Variants in GABRA1 observed in about 807,000 individuals in gnomAD.
GABRA1 encodes the protein gamma-aminobutyric acid receptor subunit alpha-1.
In GABRA1, 9 loss-of-function variants were observed where a neutral mutation model predicts 48.9. That is an observed-to-expected ratio of 0.18 (90% CI 0.11 to 0.32). The LOEUF is 0.32. Among genes scored for constraint, GABRA1 ranks in the 10% least tolerant of loss-of-function variants. GABRA1 has a pLI of 1.00. For synonymous variants in GABRA1, 210 were observed against 198.7 expected (o/e 1.06, Z -0.48); for missense variants, 285 against 553.8 (o/e 0.51, Z 4.87).
At chr5:161,892,775 C>T (rs1755155932) in intron 8 of GABRA1, among the ~76,000 whole-genome samples, 1 of 151,928 alleles carries the variant, frequency 6.6e-6, no homozygotes, top group Non-Finnish European at 1.5e-5. Context: ...GAGGCCGAGG[C>T]GGGTGGATCA....
chr5:161,855,681 C>T (rs1425314262), intron 3 of GABRA1, among the ~76,000 whole-genome samples: 2 of 151,048 alleles, frequency 1.3e-5, no homozygotes, highest in East Asian at 1.9e-4. Context: ...CGATAAATTA[C>T]AAAACTAGCT....
chr5:161,865,726 G>C lies in GABRA1; in HGVS notation c.193G>C (p.Val65Leu), dbSNP rs1349476131. 1 of 1,612,794 alleles carries C rather than the reference G, an allele frequency of 6.2e-7. No homozygotes were observed. ...NRLRPGLGER[V>L]TEVKTDIFVT... ...CCAATTTCCTGCTTCAACAGAGCGT[G>C]TAACCGAAGTGAAGACTGATATCTT... The change falls in exon 4 of 10, where the codon GTA (valine) becomes CTA (leucine). Residue 65 changes from valine (V) to leucine (L), a missense_variant. Physicochemically the swap from Val to Leu is conservative, Grantham distance 32. Coordinates refer to ENST00000393943, the MANE Select transcript of GABRA1 (RefSeq NM_001127644.2).
intron 6 of GABRA1, chr5:161,882,180 T>C (rs1054071745): frequency 1.1e-4 from 32 of 303,046 alleles, no homozygotes; most frequent in Middle Eastern, 1.2e-3. Context: ...TTTTACTCGG[T>C]TGTGTATGAC....
At chr5:161,892,081 C>T (rs995300791) in intron 8 of GABRA1, among the ~76,000 whole-genome samples, 1 of 152,160 alleles carries the variant, frequency 6.6e-6, no homozygotes, top group African/African-American at 2.4e-5. Context: ...AGTCTGTTCG[C>T]CTAATGACAA....
At chr5:161,882,454 C>A in intron 6 of GABRA1, 104 bp from the exon 7 acceptor site, 1 of 1,123,176 alleles carries the variant, frequency 8.9e-7, no homozygotes, top group Non-Finnish European at 1.3e-6. Context: ...AGCCTGCCCT[C>A]TGGAACCATG....
chr5:161,868,894 G>T (rs1359245719), intron 4 of GABRA1, among the ~76,000 whole-genome samples: 1 of 151,946 alleles, frequency 6.6e-6, no homozygotes, highest in East Asian at 1.9e-4. Flanking sequence ...TTTTACATTT[G>T]GTCAAATATC....
At position 161,865,800 on chromosome 5, in the gene GABRA1, C is replaced by T. The variant is rs144727170; in HGVS notation, c.255+12C>T. ...CAGACCATGATATGGTAAGTGGACA[C>T]TTTATCTTTGCTTTTCTTGAAGAAT... On this transcript the variant is annotated intron_variant, in intron 4 of 9. Coordinates refer to ENST00000393943, the MANE Select transcript of GABRA1 (RefSeq NM_001127644.2). 180 of 1,605,912 alleles carry T rather than the reference C, an allele frequency of 1.1e-4. No individual in the cohort carries two copies. In the African/African-American group the frequency reaches 2.2e-3, roughly 19 times the overall value.
Position 161,850,893 on chromosome 5 carries a change from A to C in GABRA1, c.74+9A>C, listed in dbSNP as rs41275339. 5.0e-6 allele frequency: 8 copies of C among 1,610,612 alleles called. No homozygotes were observed. The highest frequency in any genetic ancestry group is 6.8e-6 in the Non-Finnish European group (8 of 1,176,994). On this transcript the variant is annotated intron_variant, in intron 2 of 9. Coordinates refer to ENST00000393943, the MANE Select transcript of GABRA1 (RefSeq NM_001127644.2). ...ACACTGACTGGAAGAAGGTGGGGAC[A>C]CTTTTTTAAAAATCTGCATGAAAAT... is the stretch of plus-strand genomic sequence containing the variant.
chr5:161,886,869 A>T (rs1316739651), intron 7 of GABRA1, among the ~76,000 whole-genome samples: 1 of 152,126 alleles, frequency 6.6e-6, no homozygotes, highest in Admixed American at 6.6e-5. Context: ...TTTCTACTTG[A>T]TGTGTCAAGG....
chr5:161,880,910 G>A (rs1754586981), intron 6 of GABRA1, among the ~76,000 whole-genome samples: 1 of 152,144 alleles, frequency 6.6e-6, no homozygotes, highest in African/African-American at 2.4e-5. Flanking sequence ...TATTTAAGTG[G>A]GGATTGGGTC....
chr5:161,878,196 T>A (rs984884136), intron 6 of GABRA1, among the ~76,000 whole-genome samples: 3 of 152,148 alleles, frequency 2.0e-5, no homozygotes, highest in African/African-American at 7.2e-5. Context: ...CTGTTTAAGC[T>A]TCAGAAAAGA....
Position 161,898,171 on chromosome 5 carries a change from AT to A in GABRA1, c.*753del, listed in dbSNP as rs1260358008. On this transcript the variant is annotated 3_prime_UTR_variant, in exon 10 of 10. Coordinates refer to ENST00000393943, the MANE Select transcript of GABRA1 (RefSeq NM_001127644.2). ...TTACCACTAGACTCAAGGAAGAATAATTTTAACAGACATGTATACTCCATAG... is the reference window on the plus strand; with the variant it reads ...TTACCACTAGACTCAAGGAAGAATAATTTAACAGACATGTATACTCCATAG... 6.6e-6 allele frequency: 1 copy of A among 152,566 alleles called. No individual in the cohort carries two copies. Among genetic ancestry groups the A allele is most frequent in the Non-Finnish European group, 1.5e-5 (1 of 68,036 alleles). The allele number at this position is 152,566 out of a possible 1,614,324, so 9.5% of individuals were successfully genotyped here.
intron 8 of GABRA1, 54 bp downstream of exon 8, chr5:161,891,104 T>A: frequency 1.3e-6 from 2 of 1,519,840 alleles, no homozygotes; most frequent in Non-Finnish European, 9.1e-7. Flanking sequence ...ACAAGTTATG[T>A]CATATCTGTG....
At chr5:161,883,926 C>CAAAG (rs1182735176) in intron 7 of GABRA1, among the ~76,000 whole-genome samples, 1 of 151,150 alleles carries the variant, frequency 6.6e-6, no homozygotes, top group Non-Finnish European at 1.5e-5. Flanking sequence ...TTTCTTATTT[C>CAAAG]AAATCCAAGT....
chr5:161,873,095 G>A (rs775083142), intron 4 of GABRA1, 22 bp from the exon 5 acceptor site: 35 of 1,562,726 alleles, frequency 2.2e-5, no homozygotes, highest in African/African-American at 1.8e-4. Context: ...TGAACTCTTC[G>A]TCATTTTCCA....
intron 7 of GABRA1, among the ~76,000 whole-genome samples, chr5:161,889,294 G>A (rs1255521938): frequency 1.3e-5 from 2 of 152,008 alleles, no homozygotes; most frequent in South Asian, 2.1e-4. Context: ...TGGTTACATA[G>A]TATCATCTTA....
rs558616931 is a variant in GABRA1, at chr5:161,862,046, G to C, written c.188-3675G>C. ...CATATTAAACAAATGGTTGTGATAG[G>C]ATTACTAACAAAATACCACCTACAA... On this transcript the variant is annotated intron_variant, in intron 3 of 9. Coordinates refer to ENST00000393943, the MANE Select transcript of GABRA1 (RefSeq NM_001127644.2). 3.9e-5 allele frequency among the ~76,000 whole-genome samples: 6 copies of C among 151,914 alleles called. No individual in the cohort carries two copies. In the East Asian group the frequency reaches 9.7e-4, roughly 25 times the overall value.
rs200750234 is a variant in GABRA1 at position 161,875,584 on chromosome 5, G to A, written c.501G>A (p.Pro167=). 1,844 of 1,613,456 alleles carry A rather than the reference G, an allele frequency of 1.1e-3. 2 individuals carry two copies. The highest frequency in any genetic ancestry group is 1.5e-3 in the Non-Finnish European group (1,726 of 1,179,544). Residue 167 remains proline (P), a synonymous_variant, in exon 6 of 10, where the codon CCG becomes CCA. Transcript: ENST00000393943. ...GGCTGACAGTGAGAGCTGAATGTCCGATGCATTTGGAGGACTTCCCTATGG... is the reference window on the plus strand; with the variant it reads ...GGCTGACAGTGAGAGCTGAATGTCCAATGCATTTGGAGGACTTCCCTATGG... The part of the protein sequence containing the change: ...TMRLTVRAEC[P]MHLEDFPMDA...
chr5:161,865,714 T>C lies in GABRA1; in HGVS notation c.188-7T>C. 1 of 1,612,614 alleles carries C rather than the reference T, an allele frequency of 6.2e-7. No individual in the cohort carries two copies. The highest frequency in any genetic ancestry group is 8.5e-7 in the Non-Finnish European group (1 of 1,178,860). Reference sequence around the variant, plus strand: ...ACACTCACTCGCCCAATTTCCTGCTTCAACAGAGCGTGTAACCGAAGTGAA... The same window carrying C: ...ACACTCACTCGCCCAATTTCCTGCTCCAACAGAGCGTGTAACCGAAGTGAA... On this transcript the variant is annotated splice_region_variant and splice_polypyrimidine_tract_variant and intron_variant, in intron 3 of 9. Coordinates refer to ENST00000393943, the MANE Select transcript of GABRA1 (RefSeq NM_001127644.2).
Sources: allele counts gnomAD v4.1 joint callset (sites outside exome capture counted in the v4.1 genomes callset), GRCh38; gene constraint gnomAD v4.1.1; transcripts MANE v1.5; gene names NCBI Gene and HGNC (gene_info 2026-07-23, HGNC 2026-07-21).